ADK: variants seen among roughly 807,000 people sequenced by gnomAD.
The protein encoded by ADK is N6,N6-dimethyladenosine kinase.
A neutral mutation model predicts 44.7 loss-of-function variants in ADK; 24 were observed. That is an observed-to-expected ratio of 0.54 (90% CI 0.39 to 0.76). The LOEUF (loss-of-function observed/expected upper bound fraction) is 0.76, where lower values mean the gene tolerates loss of function less well. Ranked by LOEUF, ADK falls within the 30% of genes least tolerant of loss-of-function variation. The pLI is 0.00. For synonymous variants in ADK, 128 were observed against 142.6 expected (o/e 0.90, Z 0.73); for missense variants, 321 against 425.1 (o/e 0.76, Z 2.15).
At chr10:74,674,570 G>C (rs1855312560) in intron 10 of ADK, among the ~76,000 whole-genome samples, 1 of 151,996 alleles carries the variant, frequency 6.6e-6, no homozygotes, top group Admixed American at 6.6e-5. Flanking sequence ...TAACAAAATG[G>C]ATCAAAGACT....
At chr10:74,266,645 T>C (rs1846226980) in intron 3 of ADK, among the ~76,000 whole-genome samples, 1 of 152,202 alleles carries the variant, frequency 6.6e-6, no homozygotes, top group South Asian at 2.1e-4. Flanking sequence ...TAGTATATTA[T>C]AGTTCTTGAT....
intron 8 of ADK, among the ~76,000 whole-genome samples, chr10:74,594,324 T>C (rs1851821197): frequency 6.6e-6 from 1 of 151,588 alleles, no homozygotes; most frequent in African/African-American, 2.4e-5. Flanking sequence ...TCCCAGAAAT[T>C]AAAGTATGAT....
At chr10:74,586,943 TAC>T (rs1851549579) in intron 7 of ADK, among the ~76,000 whole-genome samples, 1 of 152,044 alleles carries the variant, frequency 6.6e-6, no homozygotes, top group African/African-American at 2.4e-5. Context: ...ATAAATTTTT[TAC>T]AGTTAATTTC....
At chr10:74,314,083 T>C (rs1840537086) in intron 3 of ADK, among the ~76,000 whole-genome samples, 3 of 152,112 alleles carry the variant, frequency 2.0e-5, no homozygotes, top group African/African-American at 7.2e-5. Flanking sequence ...AGTACTGTTA[T>C]ACTTTTGTTT....
At chr10:74,328,048 A>G (rs764884561) in intron 4 of ADK, among the ~76,000 whole-genome samples, 8 of 152,076 alleles carry the variant, frequency 5.3e-5, no homozygotes, top group Admixed American at 2.0e-4. Context: ...AGCTGGGATT[A>G]CAGGTGTGCA....
chr10:74,622,992 A>G (rs913257005), intron 9 of ADK, among the ~76,000 whole-genome samples: 3 of 152,192 alleles, frequency 2.0e-5, no homozygotes, highest in Non-Finnish European at 4.4e-5. Flanking sequence ...GGACAACAAG[A>G]GTGAAACTCC....
intron 3 of ADK, among the ~76,000 whole-genome samples, chr10:74,300,560 G>A (rs962161255): frequency 2.0e-5 from 3 of 151,858 alleles, no homozygotes; most frequent in Non-Finnish European, 4.4e-5. Context: ...TGTATTTTTA[G>A]TAGAGACAGG....
chr10:74,223,697 T>G (rs1224087333), intron 2 of ADK, among the ~76,000 whole-genome samples: 1 of 152,168 alleles, frequency 6.6e-6, no homozygotes. Flanking sequence ...TGATCTAGTA[T>G]TTATAGCAAC....
chr10:74,354,974 T>C (rs1054716864), intron 4 of ADK, among the ~76,000 whole-genome samples: 1 of 152,228 alleles, frequency 6.6e-6, no homozygotes, highest in Non-Finnish European at 1.5e-5. Context: ...TCAGTAAAAC[T>C]TCATTACAAA....
intron 3 of ADK, among the ~76,000 whole-genome samples, chr10:74,308,185 T>C (rs1419907555): frequency 6.6e-6 from 1 of 152,200 alleles, no homozygotes; most frequent in East Asian, 1.9e-4. Flanking sequence ...GATCTTCATG[T>C]TCAGAGTTAT....
At chr10:74,283,923 G>T (rs1326605612) in intron 3 of ADK, among the ~76,000 whole-genome samples, 1 of 151,292 alleles carries the variant, frequency 6.6e-6, no homozygotes, top group East Asian at 2.0e-4. Flanking sequence ...CTTGTGATCC[G>T]CCTGCCTAGG....
chr10:74,494,759 CT>C (rs1449544007), intron 6 of ADK, among the ~76,000 whole-genome samples: 3 of 151,936 alleles, frequency 2.0e-5, no homozygotes, highest in Non-Finnish European at 4.4e-5. Context: ...GCCTCCCGGG[CT>C]CAAGCGATTC....
At position 74,371,651 on chromosome 10, in the gene ADK, T is replaced by G. The variant is rs1842662418; in HGVS notation, c.274-22490T>G. The G allele has an allele frequency of 5.9e-6, 6 of 1,020,282 alleles. No homozygotes were observed. The South Asian group carries it at 7.5e-5, about 13-fold the overall frequency. The allele number at this position is 1,020,282 out of a possible 1,614,324, so 63.2% of individuals were successfully genotyped here. ...ACTTCCAGATGGAACAGTACATCTCTATAAGGAAAAGTGATGGCATCCACA... is the reference window on the plus strand; with the variant it reads ...ACTTCCAGATGGAACAGTACATCTCGATAAGGAAAAGTGATGGCATCCACA... On this transcript the variant is annotated intron_variant, in intron 4 of 10. Coordinates refer to ENST00000539909, the MANE Select transcript of ADK (RefSeq NM_006721.4).
At chr10:74,417,485 G>A (rs1844413595) in intron 6 of ADK, among the ~76,000 whole-genome samples, 1 of 152,094 alleles carries the variant, frequency 6.6e-6, no homozygotes, top group Non-Finnish European at 1.5e-5. Context: ...AATATAGTAT[G>A]TAGACACATT....
chr10:74,426,449 A>G (rs1844800487), intron 6 of ADK, among the ~76,000 whole-genome samples: 1 of 152,238 alleles, frequency 6.6e-6, no homozygotes, highest in Non-Finnish European at 1.5e-5. Context: ...TTATAAATAT[A>G]TGGAGTAATT....
chr10:74,571,443 T>C (rs1850958238), intron 7 of ADK, among the ~76,000 whole-genome samples: 1 of 152,232 alleles, frequency 6.6e-6, no homozygotes, highest in Non-Finnish European at 1.5e-5. Flanking sequence ...TGGTAAGCTA[T>C]TGATTATTGC....
chr10:74,519,778 ATGTT>A (rs1292178907), intron 6 of ADK, among the ~76,000 whole-genome samples: 9 of 151,874 alleles, frequency 5.9e-5, no homozygotes, highest in Admixed American at 2.0e-4. Flanking sequence ...TGGTGTCCTA[ATGTT>A]TGTTTAATTT....
chr10:74,325,656 C>T (rs1417628207), intron 4 of ADK, among the ~76,000 whole-genome samples: 2 of 152,138 alleles, frequency 1.3e-5, no homozygotes, highest in African/African-American at 4.8e-5. Flanking sequence ...TGCATTCCTT[C>T]TATACCCAAT....
chr10:74,454,992 G>C (rs1249916055), intron 6 of ADK, among the ~76,000 whole-genome samples: 2 of 152,182 alleles, frequency 1.3e-5, no homozygotes, highest in Non-Finnish European at 2.9e-5. Context: ...GCAGGGGACA[G>C]TCAGAGAGAC....
Sources: gnomAD v4.1 joint callset for allele counts (sites outside exome capture counted in the v4.1 genomes callset) on GRCh38, gnomAD v4.1.1 for gene constraint, MANE v1.5 for transcripts, NCBI Gene and HGNC (gene_info 2026-07-23, HGNC 2026-07-21) for gene names.